BRINP2: variants seen among roughly 807,000 people sequenced by gnomAD.
The protein encoded by BRINP2 is BMP/retinoic acid inducible neural specific 2.
BRINP2 carries 21 observed loss-of-function variants against 69.2 expected under a neutral mutation model. That is an observed-to-expected ratio of 0.30 (90% CI 0.22 to 0.44). The LOEUF is 0.44. Ranked by LOEUF, BRINP2 falls within the 20% of genes least tolerant of loss-of-function variation. The pLI, the probability that BRINP2 is intolerant of heterozygous loss-of-function variation, is 1.00. For missense variants in BRINP2, 877 were observed against 986.0 expected, an observed-to-expected ratio of 0.89 and a Z score of 1.48; for synonymous variants, 380 against 394.1, an observed-to-expected ratio of 0.96 and a Z score of 0.42.
At chr1:177,238,474 T>C (rs988621033) in intron 2 of BRINP2, among the ~76,000 whole-genome samples, 8 of 152,200 alleles carry the variant, frequency 5.3e-5, no homozygotes, top group Admixed American at 2.6e-4. Flanking sequence ...ATTGTGGGGA[T>C]GGGACAAGCC....
intron 1 of BRINP2, among the ~76,000 whole-genome samples, chr1:177,195,531 C>T (rs1257491896): frequency 6.6e-6 from 1 of 150,500 alleles, no homozygotes; most frequent in Non-Finnish European, 1.5e-5. Context: ...TCACCAAGTC[C>T]TCCTATGCCG....
intron 1 of BRINP2, among the ~76,000 whole-genome samples, chr1:177,173,064 G>A (rs1647986707): frequency 6.6e-6 from 1 of 152,132 alleles, no homozygotes; most frequent in Non-Finnish European, 1.5e-5. Context: ...ATGACATCAG[G>A]CAACAGCAAA....
intron 4 of BRINP2, 74 bp downstream of exon 4, chr1:177,257,458 C>A: frequency 1.4e-6 from 2 of 1,386,358 alleles, no homozygotes; most frequent in South Asian, 2.8e-5. Flanking sequence ...GAGCCTCAAC[C>A]ATCTCTAGGT....
At position 177,278,667 on chromosome 1, in the gene BRINP2, C is replaced by G; in HGVS notation, c.1117C>G (p.Gln373Glu). Residue 373 changes from glutamine to glutamate, a missense_variant, in exon 7 of 8, where the codon CAG becomes GAG. Physicochemically the swap from Gln to Glu is conservative, Grantham distance 29. This residue lies in a region of BRINP2 where 566 missense variants were observed against 625.2 expected (regional missense o/e 0.91). Transcript: ENST00000361539. ...GGACACCAGCCTTCAGCACCGCTAC[C>G]AGCAGCTGGGAGCTGGCTTGAAAGT... ...AMDTSLQHRYQQLGAGLKVLF... is the reference protein window; with the variant it reads ...AMDTSLQHRYEQLGAGLKVLF... 10 of 1,614,244 alleles carry G rather than the reference C, an allele frequency of 6.2e-6. No homozygotes were observed. Among genetic ancestry groups the G allele is most frequent in the Non-Finnish European group, 8.5e-6 (10 of 1,180,052 alleles).
chr1:177,202,353 C>A (rs1055506932), intron 1 of BRINP2, among the ~76,000 whole-genome samples: 3 of 152,128 alleles, frequency 2.0e-5, no homozygotes, highest in Admixed American at 2.0e-4. Flanking sequence ...CTATAAATTT[C>A]CCTCTACACA....
intron 2 of BRINP2, among the ~76,000 whole-genome samples, chr1:177,252,018 T>C (rs765108578): frequency 7.9e-5 from 12 of 152,186 alleles, no homozygotes; most frequent in Non-Finnish European, 1.5e-4. Flanking sequence ...TTGCTTTTAG[T>C]AATCTGATTT....
chr1:177,279,763 C>G (rs1651631837), intron 7 of BRINP2, among the ~76,000 whole-genome samples: 1 of 152,210 alleles, frequency 6.6e-6, no homozygotes, highest in Non-Finnish European at 1.5e-5. Flanking sequence ...TATTTACTAA[C>G]AGGGAAGCCG....
intron 1 of BRINP2, among the ~76,000 whole-genome samples, chr1:177,211,049 T>C (rs1475727539): frequency 6.6e-6 from 1 of 150,996 alleles, no homozygotes; most frequent in Non-Finnish European, 1.5e-5. Context: ...ATATTTCTAT[T>C]GCACCACCCT....
At position 177,209,039 on chromosome 1, in the gene BRINP2, A is replaced by G. The variant is rs542455898; in HGVS notation, c.-76-20762A>G. ...TTCTGGAGTTTAAGAGGTAAAACAC[A>G]GAAGTGGCAGGGCCCTGTGTGTGAC... On this transcript the variant is annotated intron_variant, in intron 1 of 7. Coordinates refer to ENST00000361539, the MANE Select transcript of BRINP2 (RefSeq NM_021165.4). 1.1e-3 allele frequency among the ~76,000 whole-genome samples: 173 copies of G among 152,158 alleles called. 1 individual carries two copies. The highest frequency in any genetic ancestry group is 3.9e-3 in the African/African-American group (162 of 41,532).
intron 6 of BRINP2, among the ~76,000 whole-genome samples, chr1:177,278,025 G>T (rs1349933385): frequency 6.6e-6 from 1 of 152,212 alleles, no homozygotes; most frequent in African/African-American, 2.4e-5. Flanking sequence ...ATCTTAGTCA[G>T]AGAGGAGGAC....
At chr1:177,199,486 C>T (rs1485611568) in intron 1 of BRINP2, among the ~76,000 whole-genome samples, 1 of 152,144 alleles carries the variant, frequency 6.6e-6, no homozygotes, top group Non-Finnish European at 1.5e-5. Context: ...GAATTGAGAA[C>T]TATTTTAAGG....
rs751668874 is a variant in BRINP2, at chr1:177,171,059, C to G, written c.-750C>G. 6.6e-6 allele frequency among the ~76,000 whole-genome samples: 1 copy of G among 152,242 alleles called. No homozygotes were observed. The highest frequency in any genetic ancestry group is 1.5e-5 in the Non-Finnish European group (1 of 68,044). On this transcript the variant is annotated 5_prime_UTR_variant, in exon 1 of 8. Transcript: ENST00000361539. ...CAATCCGCCTGCCTCGCAAGCTGCTCGCCGCTGCGCTGGCAGCGCTTACGC... is the reference window on the plus strand; with the variant it reads ...CAATCCGCCTGCCTCGCAAGCTGCTGGCCGCTGCGCTGGCAGCGCTTACGC...
chr1:177,254,868 TTAAA>T (rs2102345452), intron 2 of BRINP2, among the ~76,000 whole-genome samples: 1 of 152,332 alleles, frequency 6.6e-6, no homozygotes, highest in Non-Finnish European at 1.5e-5. Context: ...GGTCATGATA[TTAAA>T]TAGTGAGATG....
intron 1 of BRINP2, among the ~76,000 whole-genome samples, chr1:177,197,375 A>G (rs1032403544): frequency 2.0e-5 from 3 of 152,196 alleles, no homozygotes; most frequent in African/African-American, 7.2e-5. Context: ...AGCCGCCTGT[A>G]TGATCCAATC....
intron 4 of BRINP2, among the ~76,000 whole-genome samples, chr1:177,263,280 A>G (rs1250757472): frequency 6.6e-6 from 1 of 152,202 alleles, no homozygotes; most frequent in African/African-American, 2.4e-5. Context: ...ACCTAATTTT[A>G]TTAGTAACTG....
intron 2 of BRINP2, among the ~76,000 whole-genome samples, chr1:177,254,781 A>T (rs1044159087): frequency 6.6e-6 from 1 of 152,216 alleles, no homozygotes; most frequent in Non-Finnish European, 1.5e-5. Flanking sequence ...TTTAAATGAA[A>T]ATTCAAAGTT....
chr1:177,245,821 A>T (rs910589418), intron 2 of BRINP2, among the ~76,000 whole-genome samples: 8 of 152,144 alleles, frequency 5.3e-5, no homozygotes, highest in African/African-American at 1.9e-4. Context: ...AAGCCCCACC[A>T]GGGCAGTGTG....
chr1:177,208,034 A>G (rs1283836227), intron 1 of BRINP2, among the ~76,000 whole-genome samples: 1 of 152,214 alleles, frequency 6.6e-6, no homozygotes, highest in South Asian at 2.1e-4. Context: ...CTCTGGACCC[A>G]GACAACCCAC....
Position 177,257,343 on chromosome 1 carries a change from C to T in BRINP2, c.628C>T (p.Arg210Ter), listed in dbSNP as rs138839091. Residue 210 changes from arginine to a stop codon, truncating the protein, a stop_gained, in exon 4 of 8, where the codon CGA (arginine) becomes TGA (stop). Coordinates refer to ENST00000361539, the MANE Select transcript of BRINP2 (RefSeq NM_021165.4). LOFTEE classifies it high-confidence loss of function. ...SYFIDRESTLRRLHHIQIATG... is the reference protein window; with the variant it reads ...SYFIDRESTL ...CTTCATCGACAGAGAGAGCACGCTG[C>T]GACGGCTGCACCATATCCAGATAGC... The T allele has an allele frequency of 8.1e-6, 13 of 1,613,528 alleles. No individual in the cohort carries two copies. The highest frequency in any genetic ancestry group is 6.7e-5 in the East Asian group (3 of 44,850).
Sources: gnomAD v4.1 joint callset for allele counts (sites outside exome capture counted in the v4.1 genomes callset) on GRCh38, gnomAD v4.1.1 for gene constraint, gnomAD v4.1.1 regional missense constraint, MANE v1.5 for transcripts, NCBI Gene and HGNC (gene_info 2026-07-23, HGNC 2026-07-21) for gene names.